MICALL2: variants seen among roughly 807,000 people sequenced by gnomAD.
MICALL2 encodes MICAL like 2.
In MICALL2, 111 loss-of-function variants were observed where a neutral mutation model predicts 91.1. That is an observed-to-expected ratio of 1.22 (90% CI 1.04 to 1.43). The LOEUF is 1.43. Ranked by LOEUF, MICALL2 falls within the 40% of genes most tolerant of loss-of-function variation. The pLI is 0.00. For missense variants in MICALL2, 1,556 were observed against 1,236.0 expected (o/e 1.26, Z -3.88); for synonymous variants, 694 against 525.3 (o/e 1.32, Z -4.39).
At chr7:1,442,098 G>A in intron 7 of MICALL2, 94 bp downstream of exon 7, 1 of 1,390,218 alleles carries the variant, frequency 7.2e-7, no homozygotes, top group Non-Finnish European at 9.9e-7. Context: ...GGGCGGGGCT[G>A]ATGATGAAAC....
At chr7:1,454,707 G>T (rs935322023) in intron 1 of MICALL2, among the ~76,000 whole-genome samples, 1 of 152,204 alleles carries the variant, frequency 6.6e-6, no homozygotes. Flanking sequence ...CCCCGCGTGG[G>T]AGAGGAGGTC....
chr7:1,439,516 TACACGA>T (rs1277911535), intron 9 of MICALL2: 1 of 192,794 alleles, frequency 5.2e-6, no homozygotes, highest in African/African-American at 2.4e-5. Context: ...ATGCATCACA[TACACGA>T]ACACAGACAC....
intron 9 of MICALL2, 28 bp downstream of exon 9, chr7:1,439,897 G>A (rs1780197446): frequency 1.4e-6 from 2 of 1,406,296 alleles, no homozygotes; most frequent in Non-Finnish European, 1.8e-6. Context: ...AGGCAACCCG[G>A]GGGCCCCTGG....
rs1002511209 is a variant in MICALL2 at position 1,451,809 on chromosome 7, G to A, written c.144-1521C>T. On this transcript the variant is annotated intron_variant, in intron 1 of 16. Transcript: ENST00000297508. This position sits in a 1 kb window ranked among gnomAD's most constrained non-coding sequence, Gnocchi z 4.5. ...GCAGGTCTCAAACGGAGAAGTGGGG[G>A]CCGAGACCCCTGTGGCCACGCAGCC... 1.3e-5 allele frequency among the ~76,000 whole-genome samples: 2 copies of A among 152,238 alleles called. No homozygotes were observed. Among genetic ancestry groups the A allele is most frequent in the African/African-American group, 4.8e-5 (2 of 41,464 alleles).
intron 1 of MICALL2, among the ~76,000 whole-genome samples, chr7:1,458,107 G>C: frequency 6.6e-6 from 1 of 152,380 alleles, no homozygotes; most frequent in African/African-American, 2.4e-5. Flanking sequence ...TCAGAGCAGG[G>C]GCCGAGGCTG....
In MICALL2 at chr7:1,451,839, C is replaced by A. The variant is rs958735753; in HGVS notation, c.144-1551G>T. Among the ~76,000 whole-genome samples, 1 of 152,210 alleles carries A rather than the reference C, an allele frequency of 6.6e-6. No individual in the cohort carries two copies. Among genetic ancestry groups the A allele is most frequent in the Non-Finnish European group, 1.5e-5 (1 of 68,032 alleles). ...GACCCCTGTGGCCACGCAGCCTGGG[C>A]GGCCTAGTTCTGAGCCCAGCCTGCA... On this transcript the variant is annotated intron_variant, in intron 1 of 16. Coordinates refer to ENST00000297508, the MANE Select transcript of MICALL2 (RefSeq NM_182924.4). The surrounding 1 kb of genome is among the most constrained non-coding windows in gnomAD (Gnocchi z 4.5).
Position 1,444,785 on chromosome 7 carries a change from CG to C in MICALL2, c.1284del (p.Gly429AlafsTer68). 1.2e-6 allele frequency: 2 copies of C among 1,611,670 alleles called. No individual in the cohort carries two copies. Among genetic ancestry groups the C allele is most frequent in the Non-Finnish European group, 8.5e-7 (1 of 1,179,488 alleles). ...NKFFQTSAVP[P>X]GTSLSGRGPT... ...GGACCTCTGCCAGAAAGGCTGGTGC[CG>C]GGGGGCACTGCTGATGTTTGGAAAA... On this transcript the variant is annotated frameshift_variant, in exon 6 of 17. Coordinates refer to ENST00000297508, the MANE Select transcript of MICALL2 (RefSeq NM_182924.4). LOFTEE classifies it high-confidence loss of function.
chr7:1,447,556 G>A lies in MICALL2; in HGVS notation c.525+19C>T, dbSNP rs772524990. 2.4e-5 allele frequency: 34 copies of A among 1,429,212 alleles called. No homozygotes were observed. Among genetic ancestry groups the A allele is most frequent in the Admixed American group, 6.7e-5 (3 of 44,498 alleles). 88.5% of individuals were successfully genotyped at this position (1,429,212 alleles called of 1,614,324 possible). Reference sequence around the variant, plus strand: ...TGGAAAACCCAGAGAACCAGGGGGAGGGTGGGGTGGGAGCTTACAGTCTTG... The same window carrying A: ...TGGAAAACCCAGAGAACCAGGGGGAAGGTGGGGTGGGAGCTTACAGTCTTG... On this transcript the variant is annotated intron_variant, in intron 4 of 16. Coordinates refer to ENST00000297508, the MANE Select transcript of MICALL2 (RefSeq NM_182924.4).
In MICALL2 at chr7:1,439,535, G is replaced by T. The variant is rs200086288; in HGVS notation, c.1966+390C>A. Reference sequence around the variant, plus strand: ...ATCACATACACGAACACAGACACATGGACACGCATCACACATGTACACATG... The same window carrying T: ...ATCACATACACGAACACAGACACATTGACACGCATCACACATGTACACATG... On this transcript the variant is annotated intron_variant, in intron 9 of 16. Coordinates refer to ENST00000297508, the MANE Select transcript of MICALL2 (RefSeq NM_182924.4). 7 of 203,678 alleles carry T rather than the reference G, an allele frequency of 3.4e-5. No homozygotes were observed. The East Asian group carries it at 3.5e-4, about 10-fold the overall frequency. The allele number at this position is 203,678 out of a possible 1,614,324, so 12.6% of individuals were successfully genotyped here. A position where few individuals can be genotyped will look rare whatever the true frequency, so the allele number is the denominator to read the frequency against.
Position 1,452,848 on chromosome 7 carries a change from A to G in MICALL2, c.144-2560T>C, listed in dbSNP as rs1302725521. On this transcript the variant is annotated intron_variant, in intron 1 of 16. Coordinates refer to ENST00000297508, the MANE Select transcript of MICALL2 (RefSeq NM_182924.4). This position sits in a 1 kb window ranked among gnomAD's most constrained non-coding sequence, Gnocchi z 6.2. ...TTTGAGGCCTATTCAACTGGGCTGC[A>G]CCACCCCGGCCGGTCCCACAGCCAC... 1.3e-5 allele frequency among the ~76,000 whole-genome samples: 2 copies of G among 151,972 alleles called. No homozygotes were observed. Among genetic ancestry groups the G allele is most frequent in the Non-Finnish European group, 2.9e-5 (2 of 67,982 alleles).
intron 2 of MICALL2, 51 bp downstream of exon 2, chr7:1,450,189 G>T: frequency 2.7e-6 from 4 of 1,509,360 alleles, no homozygotes; most frequent in Non-Finnish European, 3.7e-6. Flanking sequence ...CGTGGGTGGG[G>T]CTCAGCAGGC....
chr7:1,446,671 G>A (rs1254160027), intron 5 of MICALL2, 42 bp downstream of exon 5: 1 of 1,437,554 alleles, frequency 7.0e-7, no homozygotes, highest in African/African-American at 1.4e-5. Context: ...GTTCTGGGAG[G>A]GGAGGTGCAC....
In MICALL2 at chr7:1,459,402, G is replaced by A. The variant is rs1471048110; in HGVS notation, c.-76C>T. On this transcript the variant is annotated 5_prime_UTR_variant, in exon 1 of 17. Coordinates refer to ENST00000297508, the MANE Select transcript of MICALL2 (RefSeq NM_182924.4). ...CGGCTGTGCCGCGACCGCCCGGCCG[G>A]CGGGACAGACGCTGGGACCGCTACG... 1 of 1,336,834 alleles carries A rather than the reference G, an allele frequency of 7.5e-7. No homozygotes were observed. The highest frequency in any genetic ancestry group is 1.6e-5 in the African/African-American group (1 of 63,958). 82.8% of individuals were successfully genotyped at this position (1,336,834 alleles called of 1,614,324 possible).
chr7:1,440,401 C>A, intron 8 of MICALL2, 190 bp downstream of exon 8: 4 of 648,886 alleles, frequency 6.2e-6, no homozygotes, highest in African/African-American at 1.8e-5. Flanking sequence ...AGGTGAGACA[C>A]GCAACGCTGC....
At chr7:1,442,872 G>T (rs1409716904) in intron 6 of MICALL2, among the ~76,000 whole-genome samples, 1 of 152,162 alleles carries the variant, frequency 6.6e-6, no homozygotes, top group African/African-American at 2.4e-5. Flanking sequence ...GGCACCTGGG[G>T]CTTTGTCAGA....
chr7:1,436,991 G>A (rs897135105), intron 14 of MICALL2, 135 bp from the exon 15 acceptor site: 2 of 584,056 alleles, frequency 3.4e-6, no homozygotes, highest in Non-Finnish European at 2.9e-6. Context: ...ATCCGGAGCA[G>A]AATGAATGAG....
In MICALL2 at chr7:1,451,722, G is replaced by A. The variant is rs1780835432; in HGVS notation, c.144-1434C>T. On this transcript the variant is annotated intron_variant, in intron 1 of 16. Coordinates refer to ENST00000297508, the MANE Select transcript of MICALL2 (RefSeq NM_182924.4). This position sits in a 1 kb window ranked among gnomAD's most constrained non-coding sequence, Gnocchi z 4.5. ...AGGGCCTCAGTCTCCCTGTCTGGGA[G>A]GACAACCGCAGCTCCTGGTGGCGAA... is the stretch of plus-strand genomic sequence containing the variant. Among the ~76,000 whole-genome samples, 1 of 152,202 alleles carries A rather than the reference G, an allele frequency of 6.6e-6. No homozygotes were observed. The highest frequency in any genetic ancestry group is 2.1e-4 in the South Asian group (1 of 4,836).
chr7:1,449,071 G>A (rs1206908492), intron 2 of MICALL2, among the ~76,000 whole-genome samples: 5 of 152,230 alleles, frequency 3.3e-5, no homozygotes, highest in East Asian at 3.9e-4. Context: ...CCAGACTTAC[G>A]CAGTCTTGAA....
chr7:1,457,476 C>T (rs924483171), intron 1 of MICALL2, among the ~76,000 whole-genome samples: 3 of 152,240 alleles, frequency 2.0e-5, no homozygotes, highest in South Asian at 4.1e-4. Context: ...TACCTGTTCC[C>T]TGTCTGTCTC....
Sources: gnomAD v4.1 joint callset for allele counts (sites outside exome capture counted in the v4.1 genomes callset) on GRCh38, gnomAD v4.1.1 for gene constraint, Gnocchi (gnomAD v3.1) non-coding constraint, MANE v1.5 for transcripts, NCBI Gene and HGNC (gene_info 2026-07-23, HGNC 2026-07-21) for gene names.